SSX2IP: variants seen among roughly 807,000 people sequenced by gnomAD.
SSX2IP encodes the protein SSX family member 2 interacting protein, also known as afadin- and alpha-actinin-binding protein.
A neutral mutation model predicts 84.9 loss-of-function variants in SSX2IP; 55 were observed. The observed-to-expected ratio is 0.65, with a 90% CI of 0.52 to 0.81. The LOEUF is 0.81. Ranked by LOEUF, SSX2IP falls within the 30% of genes least tolerant of loss-of-function variation. The pLI, the probability that SSX2IP is intolerant of heterozygous loss-of-function variation, is 0.00. For missense variants in SSX2IP, 664 were observed against 705.2 expected (o/e 0.94, Z 0.66); for synonymous variants, 239 against 234.7 (o/e 1.02, Z -0.17).
At position 84,645,357 on chromosome 1, in the gene SSX2IP, C is replaced by A. The variant is rs1437909069; in HGVS notation, c.*2076G>T. 3 of 152,160 alleles carry A rather than the reference C, an allele frequency of 2.0e-5. No individual in the cohort carries two copies. Among genetic ancestry groups the A allele is most frequent in the Non-Finnish European group, 2.9e-5 (2 of 68,022 alleles). 9.4% of individuals were successfully genotyped at this position (152,160 alleles called of 1,614,324 possible). A position where few individuals can be genotyped will look rare whatever the true frequency, so the allele number is the denominator to read the frequency against. ...TGATGTTGTTAGGTAAAATGTACAA[C>A]TTCTGGATCTATGCAGACATTGAAG... On this transcript the variant is annotated 3_prime_UTR_variant, in exon 14 of 14. Coordinates refer to ENST00000342203, the MANE Select transcript of SSX2IP (RefSeq NM_001166293.2).
intron 5 of SSX2IP, among the ~76,000 whole-genome samples, chr1:84,665,749 A>G (rs774104404): frequency 6.6e-6 from 1 of 152,188 alleles, no homozygotes; most frequent in African/African-American, 2.4e-5. Flanking sequence ...AAGACAGTGC[A>G]TGCAAGAAGG....
intron 9 of SSX2IP, 177 bp downstream of exon 9, chr1:84,658,141 G>A: frequency 1.4e-6 from 1 of 700,414 alleles, no homozygotes; most frequent in Non-Finnish European, 2.2e-6. Flanking sequence ...GTCTCAAAAA[G>A]TAAAATAAAA....
At chr1:84,664,134 C>T (rs542478511) in intron 6 of SSX2IP, among the ~76,000 whole-genome samples, 2 of 152,204 alleles carry the variant, frequency 1.3e-5, no homozygotes, top group East Asian at 3.9e-4. Flanking sequence ...CAGTTCTTTG[C>T]TATGGAAAAT....
At chr1:84,666,285 C>G in intron 4 of SSX2IP, 53 bp from the exon 5 acceptor site, 1 of 1,364,498 alleles carries the variant, frequency 7.3e-7, no homozygotes, top group South Asian at 1.2e-5. Context: ...TTTAGAATAA[C>G]TGAATCCTTA....
chr1:84,688,665 C>A (rs1570762085), intron 1 of SSX2IP, among the ~76,000 whole-genome samples: 1 of 152,150 alleles, frequency 6.6e-6, no homozygotes, highest in Non-Finnish European at 1.5e-5. Flanking sequence ...ACAATTTCAG[C>A]GTAACATTTT....
chr1:84,655,504 T>C (rs1432183914), intron 11 of SSX2IP: 2 of 1,327,416 alleles, frequency 1.5e-6, no homozygotes, highest in Non-Finnish European at 2.0e-6. Flanking sequence ...CACTGTCTTC[T>C]GACACCACAC....
rs961283180 is a variant in SSX2IP at position 84,644,621 on chromosome 1, T to C, written c.*2812A>G. ...GCAGGGTCTTGCTAACTCACAAATT[T>C]AGCATACATGCTGCAAAAACCTCTC... On this transcript the variant is annotated 3_prime_UTR_variant, in exon 14 of 14. Coordinates refer to ENST00000342203, the MANE Select transcript of SSX2IP (RefSeq NM_001166293.2). The C allele has an allele frequency of 3.9e-5, 6 of 152,210 alleles. No individual in the cohort carries two copies. Among genetic ancestry groups the C allele is most frequent in the African/African-American group, 1.4e-4 (6 of 41,456 alleles). 9.4% of individuals were successfully genotyped at this position (152,210 alleles called of 1,614,324 possible).
chr1:84,658,397 A>G lies in SSX2IP; in HGVS notation c.999T>C (p.Thr333=), dbSNP rs1651438203. The stretch of plus-strand genomic sequence containing the variant: ...TGCTGTTTGTAAGCTGCTCTCTCAC[A>G]GTTTCACAGGAAAGGTCCCACATAC... The part of the protein sequence containing the change: ...RESMWDLSCE[T]VREQLTNSIR... Residue 333 remains threonine, a synonymous_variant, in exon 9 of 14, where the codon ACT becomes ACC. Coordinates refer to ENST00000342203, the MANE Select transcript of SSX2IP (RefSeq NM_001166293.2). The G allele has an allele frequency of 6.2e-7, 1 of 1,614,094 alleles. No homozygotes were observed. The highest frequency in any genetic ancestry group is 8.5e-7 in the Non-Finnish European group (1 of 1,180,004).
chr1:84,665,521 T>C (rs1184462564), intron 5 of SSX2IP, among the ~76,000 whole-genome samples: 1 of 152,198 alleles, frequency 6.6e-6, no homozygotes, highest in African/African-American at 2.4e-5. Flanking sequence ...AAAAACATAA[T>C]AGTTTCTTTC....
intron 6 of SSX2IP, among the ~76,000 whole-genome samples, chr1:84,663,539 T>TA (rs1557492840): frequency 1.3e-5 from 2 of 152,178 alleles, no homozygotes; most frequent in African/African-American, 4.8e-5. Context: ...ATTTAAAAAA[T>TA]AAAGTATTCA....
At position 84,669,888 on chromosome 1, in the gene SSX2IP, C is replaced by A; in HGVS notation, c.219G>T (p.Leu73Phe). 2 of 1,611,782 alleles carry A rather than the reference C, an allele frequency of 1.2e-6. No individual in the cohort carries two copies. The highest frequency in any genetic ancestry group is 2.2e-5 in the South Asian group (2 of 90,860). The change falls in exon 4 of 14, where the codon TTG becomes TTT. Residue 73 changes from leucine (L) to phenylalanine (F), a missense_variant. By Grantham distance (22) the Leu-to-Phe change is conservative. Coordinates refer to ENST00000342203, the MANE Select transcript of SSX2IP (RefSeq NM_001166293.2). ...EQSISYLDQE[L>F]TTFGFPSLYE... is the part of the protein sequence containing the mutation. ...ATAATGAAGGAAAACCAAAAGTAGT[C>A]AATTCCTGGTAGGAGAAAATGTTTT...
chr1:84,668,974 C>A (rs1009615402), intron 4 of SSX2IP, among the ~76,000 whole-genome samples: 15 of 151,920 alleles, frequency 9.9e-5, no homozygotes, highest in Admixed American at 3.9e-4. Flanking sequence ...TTATATTATA[C>A]CCTTAATAAT....
At chr1:84,661,141 GGATGGGC>G (rs1651923836) in intron 8 of SSX2IP, among the ~76,000 whole-genome samples, 1 of 151,364 alleles carries the variant, frequency 6.6e-6, no homozygotes, top group Non-Finnish European at 1.5e-5. Flanking sequence ...GTAAGTGCTG[GGATGGGC>G]TTATCAGCTG....
intron 6 of SSX2IP, 101 bp downstream of exon 6, chr1:84,664,316 A>C: frequency 8.3e-7 from 1 of 1,206,142 alleles, no homozygotes; most frequent in Non-Finnish European, 1.1e-6. Flanking sequence ...AAAGCATGAA[A>C]ATAACATTTC....
intron 8 of SSX2IP, among the ~76,000 whole-genome samples, chr1:84,659,767 T>C (rs7546691): frequency 0.082 from 11,892 of 145,790 alleles, 709 homozygotes; most frequent in African/African-American, 0.17. Context: ...CACAGCACTC[T>C]AGCCTGGCGA....
chr1:84,670,181 A>G (rs1048901515), intron 3 of SSX2IP: 3 of 201,458 alleles, frequency 1.5e-5, no homozygotes, highest in Non-Finnish European at 3.0e-5. Flanking sequence ...GTCAAAAATT[A>G]AAAATAAATG....
chr1:84,675,756 G>T (rs1206592214), intron 1 of SSX2IP, among the ~76,000 whole-genome samples: 1 of 152,182 alleles, frequency 6.6e-6, no homozygotes, highest in Non-Finnish European at 1.5e-5. Context: ...TAAGGTCTAA[G>T]TGGCTATTCC....
chr1:84,657,198 A>G (rs760907539), intron 9 of SSX2IP, among the ~76,000 whole-genome samples: 2 of 152,198 alleles, frequency 1.3e-5, no homozygotes, highest in Non-Finnish European at 2.9e-5. Flanking sequence ...AGCAGAAAAT[A>G]TTAAGAATAT....
rs1238054811 is a variant in SSX2IP, at chr1:84,690,411, G to A, written c.-130C>T. ...GAGCGGCGGGGAGTCACCGCTCGGC[G>A]TCCTAGCCCGGCTCCCGCAGCCCGA... On this transcript the variant is annotated 5_prime_UTR_variant, in exon 1 of 14. In the 5' UTR this introduces an upstream ATG that the reference lacks. Coordinates refer to ENST00000342203, the MANE Select transcript of SSX2IP (RefSeq NM_001166293.2). The A allele has an allele frequency of 6.6e-6, 1 of 150,862 alleles. No individual in the cohort carries two copies. The highest frequency in any genetic ancestry group is 2.4e-5 in the African/African-American group (1 of 41,178). The allele number at this position is 150,862 out of a possible 1,614,324, so 9.3% of individuals were successfully genotyped here. A position where few individuals can be genotyped will look rare whatever the true frequency, so the allele number is the denominator to read the frequency against.
Sources: gnomAD v4.1 joint callset for allele counts (sites outside exome capture counted in the v4.1 genomes callset) on GRCh38, gnomAD v4.1.1 for gene constraint, MANE v1.5 for transcripts, NCBI Gene and HGNC (gene_info 2026-07-23, HGNC 2026-07-21) for gene names.